PTPN23: variants seen among roughly 807,000 people sequenced by gnomAD.
PTPN23 encodes the protein tyrosine-protein phosphatase non-receptor type 23.
A neutral mutation model predicts 156.3 loss-of-function variants in PTPN23; 72 were observed. The observed-to-expected ratio is 0.46, with a 90% CI of 0.38 to 0.56. PTPN23 has a LOEUF of 0.56. Ranked by LOEUF, PTPN23 falls within the 20% of genes least tolerant of loss-of-function variation. The probability of loss-of-function intolerance (pLI) is 0.00; values close to 1 mark genes in which losing one functional copy is unlikely to be tolerated. For synonymous variants in PTPN23, 957 were observed against 899.6 expected (o/e 1.06, Z -1.14); for missense variants, 1,974 against 2,171.5 (o/e 0.91, Z 1.81).
chr3:47,407,523 G>C lies in PTPN23; in HGVS notation c.942G>C (p.Lys314Asn). The part of the protein sequence containing the change: ...VIGGKYNSAK[K>N]DNDFIYHEAV... ...TCCCCAGGTACAATTCTGCCAAGAA[G>C]GACAACGACTTCATTTACCATGAGG... is the stretch of plus-strand genomic sequence containing the variant. Residue 314 changes from lysine (K) to asparagine (N), a missense_variant, in exon 12 of 25, where the codon AAG becomes AAC. Lys to Asn is a moderately conservative substitution (Grantham distance 94, BLOSUM62 0). Transcript: ENST00000265562. This position sits in a 1 kb window ranked among gnomAD's most constrained non-coding sequence, Gnocchi z 4.0. The C allele has an allele frequency of 6.2e-7, 1 of 1,614,058 alleles. No homozygotes were observed. The highest frequency in any genetic ancestry group is 1.7e-5 in the Admixed American group (1 of 60,020).
At position 47,404,797 on chromosome 3, in the gene PTPN23, G is replaced by A. The variant is rs756742037; in HGVS notation, c.287+18G>A. On this transcript the variant is annotated intron_variant, in intron 3 of 24. Coordinates refer to ENST00000265562, the MANE Select transcript of PTPN23 (RefSeq NM_015466.4). Reference sequence around the variant, plus strand: ...GTCACCTGGTGAGAGCCGCAGGCAGGGCTGGAGGATCCCACGGGGAGTCTG... The same window carrying A: ...GTCACCTGGTGAGAGCCGCAGGCAGAGCTGGAGGATCCCACGGGGAGTCTG... 39 of 1,612,032 alleles carry A rather than the reference G, an allele frequency of 2.4e-5. No individual in the cohort carries two copies. In the Middle Eastern group the frequency reaches 6.6e-4, roughly 27 times the overall value.
chr3:47,382,952 G>T (rs1243062054), intron 1 of PTPN23, among the ~76,000 whole-genome samples: 1 of 152,022 alleles, frequency 6.6e-6, no homozygotes, highest in Non-Finnish European at 1.5e-5. Flanking sequence ...CTCCCAAAGT[G>T]CTGGGATTAT....
chr3:47,383,589 A>C (rs968172667), intron 1 of PTPN23, among the ~76,000 whole-genome samples: 5 of 152,232 alleles, frequency 3.3e-5, no homozygotes, highest in Non-Finnish European at 5.9e-5. Context: ...TGATTGAATT[A>C]CAGCTGAGCG....
chr3:47,399,583 C>G (rs2107706739), intron 2 of PTPN23, among the ~76,000 whole-genome samples: 1 of 152,300 alleles, frequency 6.6e-6, no homozygotes, highest in South Asian at 2.1e-4. Flanking sequence ...GCATTACCAC[C>G]AATCTCCAAA....
At chr3:47,408,263 G>C in intron 14 of PTPN23, 82 bp from the exon 15 acceptor site, 1 of 1,549,874 alleles carries the variant, frequency 6.5e-7, no homozygotes, top group African/African-American at 1.4e-5. Flanking sequence ...ATTGAGTGGT[G>C]AGGCTTGCCC....
chr3:47,406,468 AC>A lies in PTPN23; in HGVS notation c.628-10del. 6.2e-7 allele frequency: 1 copy of A among 1,613,784 alleles called. No individual in the cohort carries two copies. The highest frequency in any genetic ancestry group is 8.5e-7 in the Non-Finnish European group (1 of 1,179,948). Reference sequence around the variant, plus strand: ...CTGACTCCCCCACTCATTGGGCCCCACCCTGTTCTCAGGTGGTAGATTACTA... The same window carrying A: ...CTGACTCCCCCACTCATTGGGCCCCACCTGTTCTCAGGTGGTAGATTACTA... On this transcript the variant is annotated splice_polypyrimidine_tract_variant and intron_variant, in intron 7 of 24. Coordinates refer to ENST00000265562, the MANE Select transcript of PTPN23 (RefSeq NM_015466.4). This position sits in a 1 kb window ranked among gnomAD's most constrained non-coding sequence, Gnocchi z 5.8.
chr3:47,394,718 A>G (rs1704844361), intron 1 of PTPN23, among the ~76,000 whole-genome samples: 2 of 152,210 alleles, frequency 1.3e-5, no homozygotes, highest in Admixed American at 6.5e-5. Flanking sequence ...TACTGCACAC[A>G]TTCTTTTTAG....
chr3:47,408,988 C>T lies in PTPN23; in HGVS notation c.1543C>T (p.Leu515=), dbSNP rs1385644841. Reference sequence around the variant, plus strand: ...GAAGGCCTCCTTCACCAACAGTGAGCTGCACCGTGCCATGAACCTGCACGT... The same window carrying T: ...GAAGGCCTCCTTCACCAACAGTGAGTTGCACCGTGCCATGAACCTGCACGT... ...HEKASFTNSE[L]HRAMNLHVGN... is the part of the protein sequence containing the mutation. The change falls in exon 16 of 25, where the codon CTG becomes TTG. Residue 515 remains leucine, a synonymous_variant. Coordinates refer to ENST00000265562, the MANE Select transcript of PTPN23 (RefSeq NM_015466.4). 6.2e-7 allele frequency: 1 copy of T among 1,614,186 alleles called. No homozygotes were observed. The highest frequency in any genetic ancestry group is 1.7e-5 in the Admixed American group (1 of 60,032).
Position 47,413,004 on chromosome 3 carries a change from TG to T in PTPN23, c.4732del (p.Glu1578AsnfsTer6), listed in dbSNP as rs1198172705. Reference protein sequence around the residue: ...APSSGPPSSSLELLASLTPEA... With the variant: ...APSSGPPSSSXELLASLTPEA... ...AGCTCGGGGCCCCCCTCCTCCTCCC[TG>T]GAATTGCTGGCCTCCTTGACCCCAG... On this transcript the variant is annotated frameshift_variant, in exon 25 of 25. Transcript: ENST00000265562. LOFTEE classifies it high-confidence loss of function. The T allele has an allele frequency of 1.3e-6, 2 of 1,599,234 alleles. No individual in the cohort carries two copies. Among genetic ancestry groups the T allele is most frequent in the African/African-American group, 2.8e-5 (2 of 70,196 alleles).
chr3:47,404,741 C>T lies in PTPN23; in HGVS notation c.249C>T (p.Pro83=). 1 of 1,613,944 alleles carries T rather than the reference C, an allele frequency of 6.2e-7. No homozygotes were observed. The highest frequency in any genetic ancestry group is 1.7e-5 in the Admixed American group (1 of 60,028). Residue 83 remains proline (P), a synonymous_variant, in exon 3 of 25, where the codon CCC becomes CCT. Coordinates refer to ENST00000265562, the MANE Select transcript of PTPN23 (RefSeq NM_015466.4). The part of the protein sequence containing the change: ...GQLHYLQSRV[P]MGSGQEAAVP... ...TTCATTACCTGCAGAGTCGGGTCCCCATGGGCTCGGGCCAGGAGGCCGCTG... is the reference window on the plus strand; with the variant it reads ...TTCATTACCTGCAGAGTCGGGTCCCTATGGGCTCGGGCCAGGAGGCCGCTG...
intron 2 of PTPN23, among the ~76,000 whole-genome samples, chr3:47,396,687 G>C (rs1704885970): frequency 6.6e-6 from 1 of 152,200 alleles, no homozygotes; most frequent in African/African-American, 2.4e-5. Flanking sequence ...GGCCAAGGCA[G>C]GAGGATTGGT....
In PTPN23 at chr3:47,381,112, C is replaced by A; in HGVS notation, c.16C>A (p.Arg6Ser). 6.3e-7 allele frequency: 1 copy of A among 1,582,416 alleles called. No individual in the cohort carries two copies. Among genetic ancestry groups the A allele is most frequent in the East Asian group, 2.4e-5 (1 of 42,520 alleles). Reference sequence around the variant, plus strand: ...GCCAGCCGCCATGGAGGCCGTGCCCCGCATGCCCATGATCTGGCTGGACCT... The same window carrying A: ...GCCAGCCGCCATGGAGGCCGTGCCCAGCATGCCCATGATCTGGCTGGACCT... MEAVP[R>S]MPMIWLDLKE... Residue 6 changes from arginine (R) to serine (S), a missense_variant, in exon 1 of 25, where the codon CGC becomes AGC. Coordinates refer to ENST00000265562, the MANE Select transcript of PTPN23 (RefSeq NM_015466.4).
chr3:47,387,419 A>AG (rs1267356219), intron 1 of PTPN23, among the ~76,000 whole-genome samples: 65 of 150,998 alleles, frequency 4.3e-4, no homozygotes, highest in Non-Finnish European at 6.2e-4. Context: ...AAAAAAAAAA[A>AG]AAAGAAAGGT....
intron 1 of PTPN23, among the ~76,000 whole-genome samples, chr3:47,390,860 G>A (rs1704759568): frequency 6.6e-6 from 1 of 152,152 alleles, no homozygotes; most frequent in Non-Finnish European, 1.5e-5. Context: ...TTAAAAAATA[G>A]AAATGCTCTG....
intron 2 of PTPN23, among the ~76,000 whole-genome samples, chr3:47,400,885 T>G (rs1013673162): frequency 4.0e-5 from 6 of 151,514 alleles, no homozygotes; most frequent in African/African-American, 1.5e-4. Flanking sequence ...TTATTTTATT[T>G]TATTTTATTT....
At chr3:47,382,844 A>G (rs1704577022) in intron 1 of PTPN23, among the ~76,000 whole-genome samples, 2 of 149,386 alleles carry the variant, frequency 1.3e-5, no homozygotes, top group South Asian at 4.2e-4. Context: ...ACCCGCCACC[A>G]CCCCTGCCTA....
intron 1 of PTPN23, among the ~76,000 whole-genome samples, chr3:47,392,366 C>T (rs1704792837): frequency 6.6e-6 from 1 of 150,984 alleles, no homozygotes; most frequent in Middle Eastern, 3.5e-3. Flanking sequence ...AATTTTTTTT[C>T]GTAGAGATGG....
chr3:47,381,316 G>T (rs565971056), intron 1 of PTPN23, 136 bp downstream of exon 1: 4 of 1,270,370 alleles, frequency 3.1e-6, no homozygotes, highest in East Asian at 5.1e-5. Flanking sequence ...GGCCTTCGCC[G>T]GTTTTCCTCA....
At chr3:47,387,839 T>G (rs1033835599) in intron 1 of PTPN23, among the ~76,000 whole-genome samples, 1 of 152,164 alleles carries the variant, frequency 6.6e-6, no homozygotes, top group Admixed American at 6.6e-5. Context: ...GGGATTAATA[T>G]TAGGTCTGGA....
Sources: gnomAD v4.1 joint callset for allele counts (sites outside exome capture counted in the v4.1 genomes callset) on GRCh38, gnomAD v4.1.1 for gene constraint, Gnocchi (gnomAD v3.1) non-coding constraint, MANE v1.5 for transcripts, NCBI Gene and HGNC (gene_info 2026-07-23, HGNC 2026-07-21) for gene names.